NRG3: variants seen among roughly 807,000 people sequenced by gnomAD.
The protein encoded by NRG3 is pro-neuregulin-3, membrane-bound isoform.
A neutral mutation model predicts 66.9 loss-of-function variants in NRG3; 31 were observed. The observed-to-expected ratio is 0.46, with a 90% CI of 0.35 to 0.63. The LOEUF (loss-of-function observed/expected upper bound fraction) is 0.63, where lower values mean the gene tolerates loss of function less well. Among genes scored for constraint, NRG3 ranks in the 20% least tolerant of loss-of-function variants. The pLI, the probability that NRG3 is intolerant of heterozygous loss-of-function variation, is 0.00. For synonymous variants in NRG3, 393 were observed against 359.4 expected (o/e 1.09, Z -1.06); for missense variants, 910 against 878.9 (o/e 1.04, Z -0.45).
chr10:82,230,986 A>T (rs909053217), intron 1 of NRG3, among the ~76,000 whole-genome samples: 3 of 152,190 alleles, frequency 2.0e-5, no homozygotes, highest in African/African-American at 7.2e-5. Context: ...GACTAAGTGG[A>T]GGTATAAATT....
chr10:82,493,413 G>A (rs1843333409), intron 2 of NRG3, among the ~76,000 whole-genome samples: 1 of 152,106 alleles, frequency 6.6e-6, no homozygotes, highest in Non-Finnish European at 1.5e-5. Context: ...AGTTTGCTGA[G>A]GATAATGGCT....
intron 2 of NRG3, among the ~76,000 whole-genome samples, chr10:82,707,962 C>G (rs2056422950): frequency 6.6e-6 from 1 of 150,966 alleles, no homozygotes; most frequent in African/African-American, 2.4e-5. Context: ...GCAGAGGTTA[C>G]AGTGAGCCAG....
chr10:82,199,170 C>CG (rs1325302122), intron 1 of NRG3, among the ~76,000 whole-genome samples: 1 of 128,114 alleles, frequency 7.8e-6, no homozygotes, highest in Non-Finnish European at 1.6e-5. Flanking sequence ...AGACTCTGTC[C>CG]GGAAAAAAAA....
chr10:82,419,951 T>G (rs2088936956), intron 2 of NRG3, among the ~76,000 whole-genome samples: 1 of 152,134 alleles, frequency 6.6e-6, no homozygotes. Flanking sequence ...GATGTATTGG[T>G]CTATATTGTT....
At chr10:82,338,567 T>TTAG (rs2082512975) in intron 1 of NRG3, among the ~76,000 whole-genome samples, 1 of 152,198 alleles carries the variant, frequency 6.6e-6, no homozygotes, top group Non-Finnish European at 1.5e-5. Flanking sequence ...CAGTCTTATA[T>TTAG]TAGATGCTCC....
intron 1 of NRG3, among the ~76,000 whole-genome samples, chr10:81,968,088 C>T (rs2059798486): frequency 6.6e-6 from 1 of 152,172 alleles, no homozygotes; most frequent in Admixed American, 6.5e-5. Context: ...TTAAAAACCA[C>T]AGAATGTCAG....
intron 1 of NRG3, among the ~76,000 whole-genome samples, chr10:82,169,192 G>A (rs1450094374): frequency 1.3e-5 from 2 of 152,062 alleles, no homozygotes; most frequent in South Asian, 2.1e-4. Flanking sequence ...GCACACCTGT[G>A]TAGTTCTTTT....
intron 1 of NRG3, among the ~76,000 whole-genome samples, chr10:81,985,900 A>ATC (rs2060500019): frequency 6.6e-6 from 1 of 152,216 alleles, no homozygotes; most frequent in Non-Finnish European, 1.5e-5. Context: ...ATTTGCATAA[A>ATC]TCTGTATCAG....
chr10:82,864,560 A>T (rs1261309587), intron 3 of NRG3, among the ~76,000 whole-genome samples: 1 of 152,192 alleles, frequency 6.6e-6, no homozygotes, highest in African/African-American at 2.4e-5. Flanking sequence ...AATGCAATGA[A>T]TTTTAAAAGT....
chr10:82,938,285 T>C (rs930179568), intron 4 of NRG3, among the ~76,000 whole-genome samples: 6 of 152,208 alleles, frequency 3.9e-5, no homozygotes, highest in Admixed American at 3.9e-4. Flanking sequence ...TACACAGATC[T>C]AGCTTCCTAG....
At chr10:81,932,210 AAG>A (rs55799004) in intron 1 of NRG3, among the ~76,000 whole-genome samples, 43,865 of 143,172 alleles carry the variant, frequency 0.31, 6,950 homozygotes, top group East Asian at 0.58. Flanking sequence ...GATTGAGAGA[AAG>A]AGAGAGAGAG....
chr10:82,312,909 G>C (rs974958845), intron 1 of NRG3, among the ~76,000 whole-genome samples: 4 of 152,144 alleles, frequency 2.6e-5, no homozygotes, highest in African/African-American at 9.7e-5. Context: ...GTCAACGGTG[G>C]CTCATGCCTG....
At chr10:82,182,545 T>A (rs899654395) in intron 1 of NRG3, among the ~76,000 whole-genome samples, 5 of 151,846 alleles carry the variant, frequency 3.3e-5, no homozygotes, top group African/African-American at 4.8e-5. Flanking sequence ...CTACCCTTTA[T>A]GTTACTGATA....
chr10:82,081,221 A>T (rs868626127), intron 1 of NRG3, among the ~76,000 whole-genome samples: 1 of 152,220 alleles, frequency 6.6e-6, no homozygotes, highest in African/African-American at 2.4e-5. Context: ...TCAAGGCTTT[A>T]GGAGCCTCCC....
At chr10:82,505,221 A>G (rs947969124) in intron 2 of NRG3, among the ~76,000 whole-genome samples, 7 of 152,246 alleles carry the variant, frequency 4.6e-5, no homozygotes, top group African/African-American at 1.7e-4. Context: ...CTAATCAGAA[A>G]GAATGTCAGG....
chr10:82,473,275 G>A (rs776785322), intron 2 of NRG3, among the ~76,000 whole-genome samples: 2 of 152,146 alleles, frequency 1.3e-5, no homozygotes, highest in Non-Finnish European at 1.5e-5. Flanking sequence ...ACTGCTCTTT[G>A]CCCTTTAGAA....
intron 1 of NRG3, among the ~76,000 whole-genome samples, chr10:81,935,232 A>C (rs1847746904): frequency 6.6e-6 from 1 of 152,174 alleles, no homozygotes; most frequent in African/African-American, 2.4e-5. Flanking sequence ...CACTAAGTAT[A>C]ATTATCTGCA....
At chr10:82,005,507 A>G (rs753824867) in intron 1 of NRG3, among the ~76,000 whole-genome samples, 1 of 152,202 alleles carries the variant, frequency 6.6e-6, no homozygotes, top group Non-Finnish European at 1.5e-5. Flanking sequence ...TTGAAGAGCT[A>G]TGACATTTCT....
chr10:81,897,723 A>G (rs1200172048), intron 1 of NRG3, among the ~76,000 whole-genome samples: 1 of 152,112 alleles, frequency 6.6e-6, no homozygotes, highest in East Asian at 1.9e-4. Context: ...AAGGGAGGGA[A>G]TAGACATCTA....
Sources: gnomAD v4.1 joint callset for allele counts (sites outside exome capture counted in the v4.1 genomes callset) on GRCh38, gnomAD v4.1.1 for gene constraint, MANE v1.5 for transcripts, NCBI Gene and HGNC (gene_info 2026-07-23, HGNC 2026-07-21) for gene names.